MAP4: variants seen among roughly 807,000 people sequenced by gnomAD.
MAP4 encodes microtubule-associated protein 4.
A neutral mutation model predicts 170.2 loss-of-function variants in MAP4; 76 were observed. The ratio of observed to expected loss-of-function variants is 0.45; its 90% CI spans 0.37 to 0.54. The LOEUF is 0.54. MAP4 is among the 20% of genes least tolerant of loss of function. The pLI is 0.00. For missense variants in MAP4, 2,506 were observed against 2,748.0 expected, an observed-to-expected ratio of 0.91 and a Z score of 1.97; for synonymous variants, 909 against 994.5, an observed-to-expected ratio of 0.91 and a Z score of 1.62.
At chr3:47,957,938 T>A (rs901793228) in intron 3 of MAP4, among the ~76,000 whole-genome samples, 5 of 152,230 alleles carry the variant, frequency 3.3e-5, no homozygotes, top group Non-Finnish European at 7.3e-5. Context: ...ATTTTTGCTT[T>A]CACTCCTAAC....
chr3:47,943,101 C>T (rs1389891819), intron 3 of MAP4, among the ~76,000 whole-genome samples: 1 of 151,898 alleles, frequency 6.6e-6, no homozygotes, highest in African/African-American at 2.4e-5. Context: ...AGACCAAGAC[C>T]CTGTCTCCAA....
chr3:47,863,937 T>TGTGTGTGTGTGTGG lies in MAP4; in HGVS notation c.6501+3308_6501+3309insCCACACACACACAC, dbSNP rs374208589. On this transcript the variant is annotated intron_variant, in intron 17 of 20. Coordinates refer to ENST00000683076, the MANE Select transcript of MAP4 (RefSeq NM_001385682.1). ...GTGGGTGTGGGTGTGTGTGTGTGTG[T>TGTGTGTGTGTGTGG]GGGGAGTGGTGGGGGGTGTAATGCT... Among the ~76,000 whole-genome samples the TGTGTGTGTGTGTGG allele has an allele frequency of 1.9e-3, 262 of 138,472 alleles. 5 individuals carry two copies. The highest frequency in any genetic ancestry group is 6.7e-3 in the African/African-American group (244 of 36,674). 90.8% of individuals were successfully genotyped at this position (138,472 alleles called of 152,430 possible).
intron 3 of MAP4, among the ~76,000 whole-genome samples, chr3:47,931,524 C>T (rs1315747846): frequency 6.6e-6 from 1 of 152,058 alleles, no homozygotes; most frequent in African/African-American, 2.4e-5. Context: ...GTCATCCAGG[C>T]TGGAATGCAG....
At chr3:47,978,533 G>A (rs2100083528) in intron 2 of MAP4, among the ~76,000 whole-genome samples, 4 of 152,010 alleles carry the variant, frequency 2.6e-5, no homozygotes, top group Admixed American at 2.6e-4. Flanking sequence ...GGCCAGGCGG[G>A]CTCAAACTCC....
intron 10 of MAP4, among the ~76,000 whole-genome samples, chr3:47,880,711 C>T (rs1246996241): frequency 6.6e-6 from 1 of 152,158 alleles, no homozygotes; most frequent in African/African-American, 2.4e-5. Flanking sequence ...AGTCCTCCCA[C>T]ATCAGCTTCC....
At chr3:48,013,278 C>T (rs376169738) in intron 1 of MAP4, among the ~76,000 whole-genome samples, 70 of 151,716 alleles carry the variant, frequency 4.6e-4, no homozygotes, top group African/African-American at 1.6e-3. Flanking sequence ...AAAAATGAAC[C>T]CTTGTGAATG....
intron 2 of MAP4, 104 bp downstream of exon 2, chr3:47,998,534 A>G (rs2100097288): frequency 1.5e-5 from 13 of 864,794 alleles, no homozygotes; most frequent in Non-Finnish European, 2.2e-5. Flanking sequence ...ACTAGCCTAC[A>G]CTAAAAAAAC....
chr3:47,921,721 T>C, intron 5 of MAP4, 44 bp downstream of exon 5: 1 of 1,206,384 alleles, frequency 8.3e-7, no homozygotes, highest in Non-Finnish European at 1.2e-6. Context: ...AAGAAAAAAT[T>C]TTTTTCCTTC....
intron 3 of MAP4, among the ~76,000 whole-genome samples, chr3:47,934,294 T>G (rs187284544): frequency 5.6e-4 from 86 of 152,326 alleles, no homozygotes; most frequent in Non-Finnish European, 1.1e-3. Flanking sequence ...CCTTTTAGTA[T>G]CTGCTGTATA....
chr3:48,003,176 C>T (rs948198129), intron 1 of MAP4, among the ~76,000 whole-genome samples: 1 of 151,750 alleles, frequency 6.6e-6, no homozygotes, highest in African/African-American at 2.4e-5. Context: ...AAATATGGGC[C>T]GGGCGCAATG....
upstream of MAP4, among the ~76,000 whole-genome samples, chr3:48,021,018 C>A (rs533170129): frequency 2.6e-5 from 4 of 152,244 alleles, no homozygotes; most frequent in South Asian, 6.2e-4. Flanking sequence ...AGAGAAATCT[C>A]ATTAAAGTTG....
rs1285691173 is a variant in MAP4 at position 47,928,364 on chromosome 3, C to T, written c.293-14G>A. 6.2e-7 allele frequency: 1 copy of T among 1,613,218 alleles called. No homozygotes were observed. Among genetic ancestry groups the T allele is most frequent in the Non-Finnish European group, 8.5e-7 (1 of 1,179,622 alleles). On this transcript the variant is annotated splice_polypyrimidine_tract_variant and intron_variant, in intron 3 of 20. Coordinates refer to ENST00000683076, the MANE Select transcript of MAP4 (RefSeq NM_001385682.1). ...CAGTTGGAGACCCTTAAAATAGAGA[C>T]ACAAAACAAAAGTTACAAGATATTA...
rs150372464 is a variant in MAP4, at chr3:48,058,989, G to C, written c.-20+29784C>G. ...GAGATGGGTTTCATCATGTGGGCCA[G>C]GCTGCTCTTGAACTCCTGACCTCAG... On this transcript the variant is annotated intron_variant, in intron 1 of 18. Coordinates refer to the MAP4 transcript ENST00000360240. Among the ~76,000 whole-genome samples the C allele has an allele frequency of 9.7e-4, 148 of 152,148 alleles. 1 individual carries two copies. In the Middle Eastern group the frequency reaches 0.014, roughly 14 times the overall value.
intron 1 of MAP4, among the ~76,000 whole-genome samples, chr3:48,028,583 G>A (rs1454892789): frequency 2.0e-5 from 3 of 151,904 alleles, no homozygotes; most frequent in East Asian, 3.9e-4. Context: ...GACCAGCCTG[G>A]CCAAGATGGT....
intron 3 of MAP4, among the ~76,000 whole-genome samples, chr3:47,940,009 T>C (rs2153990469): frequency 6.6e-6 from 1 of 152,236 alleles, no homozygotes; most frequent in Middle Eastern, 3.4e-3. Flanking sequence ...GGCTAATTTT[T>C]GTACTTTTAG....
intron 2 of MAP4, among the ~76,000 whole-genome samples, chr3:47,989,848 T>G (rs530497060): frequency 8.5e-4 from 129 of 152,254 alleles, no homozygotes; most frequent in Non-Finnish European, 1.4e-3. Context: ...GAACCCCCAT[T>G]TCATGAAATG....
At position 47,916,324 on chromosome 3, in the gene MAP4, GCC is replaced by G; in HGVS notation, c.1501_1502del (p.Gly501LeufsTer45). On this transcript the variant is annotated frameshift_variant, in exon 7 of 21. Coordinates refer to ENST00000683076, the MANE Select transcript of MAP4 (RefSeq NM_001385682.1). LOFTEE classifies it high-confidence loss of function. ...DVAPSTVKEV[G>X]LLKDMSPLSE... ...ATAGTGGAGACATGTCCTTCAACAA[GCC>G]CACTTCTTTTACTGTGGACGGAGCC... is the stretch of plus-strand genomic sequence containing the variant. 1 of 1,614,238 alleles carries G rather than the reference GCC, an allele frequency of 6.2e-7. No homozygotes were observed.
intron 1 of MAP4, among the ~76,000 whole-genome samples, chr3:48,043,583 T>C (rs1038214695): frequency 2.0e-5 from 3 of 152,252 alleles, no homozygotes; most frequent in African/African-American, 7.2e-5. Flanking sequence ...ACAAATATTA[T>C]TTTCAGTCAG....
intron 1 of MAP4, among the ~76,000 whole-genome samples, chr3:48,088,576 G>T (rs1470866674): frequency 6.9e-6 from 1 of 145,086 alleles, no homozygotes; most frequent in Non-Finnish European, 1.5e-5. Flanking sequence ...CAAAGACTCC[G>T]AAGGTCAAAG....
Sources: allele counts gnomAD v4.1 joint callset (sites outside exome capture counted in the v4.1 genomes callset), GRCh38; gene constraint gnomAD v4.1.1; transcripts MANE v1.5; gene names NCBI Gene and HGNC (gene_info 2026-07-23, HGNC 2026-07-21).